The following P4HA2 variants were observed in gnomAD, a reference collection of about 807,000 sequenced individuals.
P4HA2 encodes the protein prolyl 4-hydroxylase subunit alpha-2.
P4HA2 carries 46 observed loss-of-function variants against 76.9 expected under a neutral mutation model. The ratio of observed to expected loss-of-function variants is 0.60; its 90% confidence interval spans 0.47 to 0.76. The LOEUF is 0.76. P4HA2 is among the 30% of genes least tolerant of loss of function. The pLI is 0.00. For synonymous variants in P4HA2, 243 were observed against 254.0 expected, an observed-to-expected ratio of 0.96 and a Z score of 0.41; for missense variants, 583 against 669.4, an observed-to-expected ratio of 0.87 and a Z score of 1.42.
chr5:132,222,897 G>A (rs570526505), intron 1 of P4HA2, among the ~76,000 whole-genome samples: 1 of 152,318 alleles, frequency 6.6e-6, no homozygotes, highest in African/African-American at 2.4e-5. Flanking sequence ...GCCAAGTTGG[G>A]TTTTCAGTCA....
At chr5:132,223,124 A>G (rs1754861450) in intron 1 of P4HA2, among the ~76,000 whole-genome samples, 1 of 152,182 alleles carries the variant, frequency 6.6e-6, no homozygotes, top group Non-Finnish European at 1.5e-5. Flanking sequence ...GGCTCCTCTC[A>G]CTATCTCCAG....
chr5:132,199,464 G>C (rs1431123694), intron 10 of P4HA2: 1 of 152,552 alleles, frequency 6.6e-6, no homozygotes, highest in Non-Finnish European at 1.5e-5. Context: ...GAGTGAAACA[G>C]CACAACATGG....
intron 11 of P4HA2, 100 bp downstream of exon 11, chr5:132,198,779 G>T: frequency 2.4e-6 from 2 of 818,358 alleles, no homozygotes; most frequent in Admixed American, 1.8e-5. Context: ...GACAAGGGGT[G>T]GGGGTACTGA....
chr5:132,215,098 C>T (rs1328109730), intron 4 of P4HA2, among the ~76,000 whole-genome samples: 1 of 152,210 alleles, frequency 6.6e-6, no homozygotes, highest in African/African-American at 2.4e-5. Flanking sequence ...CCACTTCAGC[C>T]ATAACTGGGG....
intron 5 of P4HA2, among the ~76,000 whole-genome samples, chr5:132,212,853 C>G (rs1753280174): frequency 6.6e-6 from 1 of 152,188 alleles, no homozygotes; most frequent in Admixed American, 6.5e-5. Context: ...GTTCCCTCCT[C>G]CAAGCAACCA....
chr5:132,212,818 C>T (rs777973623), intron 5 of P4HA2, among the ~76,000 whole-genome samples: 2 of 152,168 alleles, frequency 1.3e-5, no homozygotes, highest in South Asian at 2.1e-4. Context: ...GCTGAGTGAA[C>T]GTGAGAGGTC....
At chr5:132,225,066 A>C (rs1755181592) in intron 1 of P4HA2, among the ~76,000 whole-genome samples, 1 of 152,000 alleles carries the variant, frequency 6.6e-6, no homozygotes, top group South Asian at 2.1e-4. Flanking sequence ...AAAAAAAAAA[A>C]AAACTGTCTT....
chr5:132,204,257 G>A (rs1027138134), intron 8 of P4HA2, 105 bp from the exon 9 acceptor site: 2 of 922,078 alleles, frequency 2.2e-6, no homozygotes, highest in African/African-American at 1.6e-5. Context: ...CATGCTAGTG[G>A]AGGAAGCTTT....
intron 8 of P4HA2, among the ~76,000 whole-genome samples, chr5:132,207,036 G>T (rs1018667617): frequency 6.6e-6 from 1 of 152,166 alleles, no homozygotes; most frequent in Admixed American, 6.5e-5. Flanking sequence ...TAAGCACTTA[G>T]AAGTTCCTGC....
intron 4 of P4HA2, among the ~76,000 whole-genome samples, chr5:132,214,743 G>A (rs773916148): frequency 3.9e-5 from 6 of 151,950 alleles, no homozygotes; most frequent in African/African-American, 9.7e-5. Flanking sequence ...AAGAGACCAC[G>A]GTGGGCCTGT....
chr5:132,217,008 T>TA (rs1229306575), intron 4 of P4HA2, among the ~76,000 whole-genome samples, 189 bp downstream of exon 4: 25 of 152,122 alleles, frequency 1.6e-4, no homozygotes, highest in Middle Eastern at 3.4e-3. Context: ...CATTACATGT[T>TA]AAAAACCAAG....
Position 132,209,231 on chromosome 5 carries a change from T to C in P4HA2, c.810A>G (p.Leu270=), listed in dbSNP as rs1752688856. The change falls in exon 7 of 15, where the codon CTA becomes CTG. Residue 270 remains leucine, a synonymous_variant. Coordinates refer to ENST00000360568, the MANE Select transcript of P4HA2 (RefSeq NM_001017974.2). ...KTLTNQTEAE[L]ATPEGIYERP... is the part of the protein sequence containing the mutation. ...TCTCATAGATGCCTTCTGGGGTTGC[T>C]AGCTCAGCTTCTGTCTGATTTGTTA... is the stretch of plus-strand genomic sequence containing the variant. 2 of 1,614,052 alleles carry C rather than the reference T, an allele frequency of 1.2e-6. No individual in the cohort carries two copies. Among genetic ancestry groups the C allele is most frequent in the Non-Finnish European group, 8.5e-7 (1 of 1,179,926 alleles).
intron 1 of P4HA2, among the ~76,000 whole-genome samples, chr5:132,222,788 T>C (rs1025334998): frequency 1.2e-4 from 18 of 152,240 alleles, no homozygotes; most frequent in African/African-American, 4.3e-4. Flanking sequence ...AGTGGTTGAC[T>C]TCCACTTCCC....
At position 132,225,501 on chromosome 5, in the gene P4HA2, C is replaced by G. The variant is rs1165243322; in HGVS notation, c.-19+2289G>C. Reference sequence around the variant, plus strand: ...CCCTCAACCGACTCATTCCTCAGAGCTGCACCCACGTAGTCTCTTCCTTTG... The same window carrying G: ...CCCTCAACCGACTCATTCCTCAGAGGTGCACCCACGTAGTCTCTTCCTTTG... On this transcript the variant is annotated intron_variant, in intron 1 of 14. Coordinates refer to ENST00000360568, the MANE Select transcript of P4HA2 (RefSeq NM_001017974.2). 2.0e-5 allele frequency among the ~76,000 whole-genome samples: 3 copies of G among 152,218 alleles called. No individual in the cohort carries two copies. In the East Asian group the frequency reaches 5.8e-4, roughly 29 times the overall value.
In P4HA2 at chr5:132,191,278, C is replaced by T. The variant is rs906731885; in HGVS notation, c.*1732G>A. ...CTGTAATCCCAGCACTTTGGGAGGC[C>T]GAGGCGGGCGGATCACGAGGTCAGG... is the stretch of plus-strand genomic sequence containing the variant. On this transcript the variant is annotated 3_prime_UTR_variant, in exon 15 of 15. Coordinates refer to ENST00000360568, the MANE Select transcript of P4HA2 (RefSeq NM_001017974.2). Among the ~76,000 whole-genome samples the T allele has an allele frequency of 3.4e-4, 51 of 152,064 alleles. No individual in the cohort carries two copies. Among genetic ancestry groups the T allele is most frequent in the South Asian group, 2.9e-3 (14 of 4,816 alleles).
rs904458416 is a variant in P4HA2 at position 132,190,152 on chromosome 5, G to GA, written c.*2857dup. ...ACAGAAGAAACAGACAATGCTGAAA[G>GA]AAAAAATCATTTAATTTTCCACAAT... On this transcript the variant is annotated 3_prime_UTR_variant, in exon 15 of 15. Transcript: ENST00000360568. Among the ~76,000 whole-genome samples, 3 of 152,086 alleles carry GA rather than the reference G, an allele frequency of 2.0e-5. No homozygotes were observed. Among genetic ancestry groups the GA allele is most frequent in the South Asian group, 2.1e-4 (1 of 4,820 alleles).
chr5:132,209,400 T>C (rs570753567), intron 6 of P4HA2, 69 bp from the exon 7 acceptor site: 42 of 1,284,598 alleles, frequency 3.3e-5, no homozygotes, highest in Middle Eastern at 4.0e-4. Flanking sequence ...AGAGAAATTA[T>C]TCTGTAAGGG....
At position 132,192,976 on chromosome 5, in the gene P4HA2, G is replaced by GAAGGAC; in HGVS notation, c.*28_*33dup. 7.1e-7 allele frequency: 1 copy of GAAGGAC among 1,406,884 alleles called. No homozygotes were observed. The highest frequency in any genetic ancestry group is 1.0e-6 in the Non-Finnish European group (1 of 990,836). The allele number at this position is 1,406,884 out of a possible 1,614,324, so 87.2% of individuals were successfully genotyped here. On this transcript the variant is annotated 3_prime_UTR_variant, in exon 15 of 15. Coordinates refer to ENST00000360568, the MANE Select transcript of P4HA2 (RefSeq NM_001017974.2). The stretch of plus-strand genomic sequence containing the variant: ...GGTGTCTGTCACGTTGACATGGGCT[G>GAAGGAC]AAGGACCAGGAAGGGGAAGGACAGA...
At chr5:132,204,245 GC>G (rs1751900409) in intron 8 of P4HA2, 93 bp from the exon 9 acceptor site, 5 of 1,000,990 alleles carry the variant, frequency 5.0e-6, no homozygotes, top group Non-Finnish European at 6.3e-6. Flanking sequence ...CAGATTTACT[GC>G]CATGCTAGTG....
Sources: gnomAD v4.1 joint callset for allele counts (sites outside exome capture counted in the v4.1 genomes callset) on GRCh38, gnomAD v4.1.1 for gene constraint, MANE v1.5 for transcripts, NCBI Gene and HGNC (gene_info 2026-07-23, HGNC 2026-07-21) for gene names.